The following UGT1A8 variants were observed in gnomAD, a reference collection of about 807,000 sequenced individuals.
UGT1A8 encodes UDP-glucuronosyltransferase 1A8.
A neutral mutation model predicts 45.3 loss-of-function variants in UGT1A8; 39 were observed. The observed-to-expected ratio is 0.86, with a 90% CI of 0.67 to 1.12. The LOEUF is 1.12. Ranked by LOEUF, UGT1A8 falls within the 50% of genes most tolerant of loss-of-function variation. The pLI is 0.00. For synonymous variants in UGT1A8, 275 were observed against 249.2 expected (o/e 1.10, Z -0.97); for missense variants, 719 against 664.9 (o/e 1.08, Z -0.90).
chr2:233,644,956 G>A (rs1386504324), intron 1 of UGT1A8, among the ~76,000 whole-genome samples: 2 of 152,100 alleles, frequency 1.3e-5, no homozygotes, highest in Non-Finnish European at 2.9e-5. Flanking sequence ...AAAACTGTGT[G>A]TAATGAGTTC....
intron 4 of UGT1A8, chr2:233,771,349 A>C (rs1700292689): frequency 6.6e-6 from 1 of 151,972 alleles, no homozygotes; most frequent in Non-Finnish European, 1.5e-5. Context: ...TGTAGCACCA[A>C]GGGTTGAAGC....
At chr2:233,637,155 C>A (rs202154835) in intron 1 of UGT1A8, 2 of 1,613,820 alleles carry the variant, frequency 1.2e-6, no homozygotes, top group South Asian at 2.2e-5. Flanking sequence ...GGAACCACAT[C>A]GTGCACTTGG....
Position 233,725,061 on chromosome 2 carries a change from C to A in UGT1A8, c.856-41973C>A, listed in dbSNP as rs1212157566. ...AACCAGTCAGGCGTGGCGGCGCGCG[C>A]CTGCAATCGCAGGCACTCGGCAGGC... On this transcript the variant is annotated intron_variant, in intron 1 of 4. Coordinates refer to ENST00000373450, the MANE Select transcript of UGT1A8 (RefSeq NM_019076.5). Among the ~76,000 whole-genome samples, 5 of 147,130 alleles carry A rather than the reference C, an allele frequency of 3.4e-5. 1 individual carries two copies. The highest frequency in any genetic ancestry group is 1.3e-4 in the African/African-American group (5 of 39,402).
intron 1 of UGT1A8, among the ~76,000 whole-genome samples, chr2:233,669,902 C>T (rs1029558446): frequency 2.0e-5 from 3 of 152,104 alleles, no homozygotes; most frequent in Non-Finnish European, 4.4e-5. Flanking sequence ...CCAGGCTGGT[C>T]TCCAACTCCT....
At chr2:233,671,188 G>A (rs1221801534) in intron 1 of UGT1A8, among the ~76,000 whole-genome samples, 4 of 152,360 alleles carry the variant, frequency 2.6e-5, no homozygotes, top group African/African-American at 9.6e-5. Flanking sequence ...GAATGTGCAA[G>A]TTGAGCGGTC....
At chr2:233,704,173 G>A (rs28899182) in intron 1 of UGT1A8, among the ~76,000 whole-genome samples, 112 of 151,522 alleles carry the variant, frequency 7.4e-4, no homozygotes, top group African/African-American at 2.6e-3. Context: ...TTACAGGTGT[G>A]AGCCACTGTG....
chr2:233,618,541 T>C lies in UGT1A8; in HGVS notation c.834T>C (p.His278=). The change falls in exon 1 of 5, where the codon CAT becomes CAC. Residue 278 remains histidine, a synonymous_variant. Transcript: ENST00000373450. ...TCTTCATTGGTGGTATCAACTGCCA[T>C]CAGGGAAAGCCATTGCCTATGGTAA... ...NMIFIGGINC[H]QGKPLPMEFE... The C allele has an allele frequency of 6.2e-7, 1 of 1,613,784 alleles. No homozygotes were observed. The highest frequency in any genetic ancestry group is 8.5e-7 in the Non-Finnish European group (1 of 1,179,736).
rs188435252 is a variant in UGT1A8 at position 233,751,450 on chromosome 2, T to A, written c.856-15584T>A. Among the ~76,000 whole-genome samples the A allele has an allele frequency of 9.0e-3, 1,372 of 152,108 alleles. 30 individuals carry two copies. The highest frequency in any genetic ancestry group is 0.031 in the African/African-American group (1,290 of 41,366). ...GAAATGAGTTAAGACTTTGGAAGAT[T>A]GTTGGGAAGGCACGATTGGTTTTGA... On this transcript the variant is annotated intron_variant, in intron 1 of 4. Coordinates refer to ENST00000373450, the MANE Select transcript of UGT1A8 (RefSeq NM_019076.5).
intron 1 of UGT1A8, chr2:233,648,928 C>A: frequency 7.2e-7 from 1 of 1,394,266 alleles, no homozygotes; most frequent in Non-Finnish European, 1.0e-6. Context: ...AATTTGGTTG[C>A]TGCGAATGGA....
chr2:233,665,881 G>C (rs961554387), intron 1 of UGT1A8, among the ~76,000 whole-genome samples: 1 of 152,188 alleles, frequency 6.6e-6, no homozygotes, highest in Non-Finnish European at 1.5e-5. Context: ...CAAGCGGCCA[G>C]ACCAAGGTGC....
chr2:233,634,560 C>T (rs534558307), intron 1 of UGT1A8, among the ~76,000 whole-genome samples: 1 of 152,126 alleles, frequency 6.6e-6, no homozygotes, highest in South Asian at 2.1e-4. Flanking sequence ...TTATATAATG[C>T]CCTTCTTTGT....
chr2:233,747,249 G>T, intron 1 of UGT1A8: 1 of 1,600,822 alleles, frequency 6.2e-7, no homozygotes, highest in Non-Finnish European at 8.5e-7. Context: ...TGCTGTGGCT[G>T]GCCACAGGAG....
At chr2:233,737,147 T>C (rs909565111) in intron 1 of UGT1A8, among the ~76,000 whole-genome samples, 2 of 152,240 alleles carry the variant, frequency 1.3e-5, no homozygotes, top group African/African-American at 4.8e-5. Flanking sequence ...TGTTCAGATA[T>C]GCCCTGCCCA....
chr2:233,747,280 C>A, intron 1 of UGT1A8: 3 of 1,599,268 alleles, frequency 1.9e-6, no homozygotes, highest in Non-Finnish European at 2.6e-6. Flanking sequence ...TCTCAGTGCC[C>A]AGCCCTGGGC....
chr2:233,618,088 G>T lies in UGT1A8; in HGVS notation c.381G>T (p.Leu127Phe), dbSNP rs1399417684. The change falls in exon 1 of 5, where the codon TTG becomes TTT. Residue 127 changes from leucine (L) to phenylalanine (F), a missense_variant. Leu to Phe is a conservative substitution (Grantham distance 22). Coordinates refer to ENST00000373450, the MANE Select transcript of UGT1A8 (RefSeq NM_019076.5). ...TATTTTTTTCGCATTGCAGGAGTTT[G>T]TTTAATGACCGAAAATTAGTAGAAT... The part of the protein sequence containing the change: ...FNLFFSHCRS[L>F]FNDRKLVEYL... The T allele has an allele frequency of 6.2e-7, 1 of 1,614,084 alleles. No homozygotes were observed. The highest frequency in any genetic ancestry group is 8.5e-7 in the Non-Finnish European group (1 of 1,179,998).
intron 1 of UGT1A8, among the ~76,000 whole-genome samples, chr2:233,644,956 G>C (rs1386504324): frequency 6.6e-6 from 1 of 152,100 alleles, no homozygotes; most frequent in African/African-American, 2.4e-5. Flanking sequence ...AAAACTGTGT[G>C]TAATGAGTTC....
In UGT1A8 at chr2:233,677,104, G is replaced by A. The variant is rs529994676; in HGVS notation, c.855+58542G>A. ...AAAAATCCTGCTAGGATTTTGATTG[G>A]GATTGTATTTTATTTATAGATCAAC... On this transcript the variant is annotated intron_variant, in intron 1 of 4. Coordinates refer to ENST00000373450, the MANE Select transcript of UGT1A8 (RefSeq NM_019076.5). Among the ~76,000 whole-genome samples, 108 of 151,858 alleles carry A rather than the reference G, an allele frequency of 7.1e-4. 1 individual carries two copies. Among genetic ancestry groups the A allele is most frequent in the African/African-American group, 2.3e-3 (97 of 41,424 alleles).
chr2:233,669,638 A>AC (rs1332485163), intron 1 of UGT1A8, among the ~76,000 whole-genome samples: 1 of 152,026 alleles, frequency 6.6e-6, no homozygotes, highest in Non-Finnish European at 1.5e-5. Context: ...TGAGGTACCA[A>AC]CCCCCGAGCA....
chr2:233,755,169 T>C lies in UGT1A8; in HGVS notation c.856-11865T>C, dbSNP rs555147500. 5.0e-4 allele frequency: 628 copies of C among 1,267,204 alleles called. 1 individual carries two copies. The highest frequency in any genetic ancestry group is 1.5e-3 in the Admixed American group (80 of 52,468). The allele number at this position is 1,267,204 out of a possible 1,614,324, so 78.5% of individuals were successfully genotyped here. The stretch of plus-strand genomic sequence containing the variant: ...CGCTTCCTCCCTGTCCTCGGGGTTT[T>C]TGTCGGGGTGCCACTTGAGCGCCAG... On this transcript the variant is annotated intron_variant, in intron 1 of 4. Transcript: ENST00000373450.
Sources: allele counts gnomAD v4.1 joint callset (sites outside exome capture counted in the v4.1 genomes callset), GRCh38; gene constraint gnomAD v4.1.1; transcripts MANE v1.5; gene names NCBI Gene and HGNC (gene_info 2026-07-23, HGNC 2026-07-21).